Variants in CELF2 observed in about 807,000 individuals in gnomAD.
CELF2 encodes CUG triplet repeat RNA-binding protein 2.
A neutral mutation model predicts 62.6 loss-of-function variants in CELF2; 8 were observed. That is an observed-to-expected ratio of 0.13 (90% CI 0.07 to 0.23). CELF2 has a LOEUF of 0.23. CELF2 is among the 10% of genes least tolerant of loss of function. CELF2 has a pLI of 1.00. For missense variants in CELF2, 333 were observed against 671.0 expected (o/e 0.50, Z 5.56); for synonymous variants, 258 against 250.0 (o/e 1.03, Z -0.30).
intron 1 of CELF2, among the ~76,000 whole-genome samples, chr10:11,122,146 A>G (rs1037736659): frequency 6.6e-6 from 1 of 152,176 alleles, no homozygotes; most frequent in African/African-American, 2.4e-5. Context: ...TCTTTTTTCA[A>G]TGCATAGCAC....
chr10:11,253,093 C>G (rs529641049), intron 4 of CELF2, among the ~76,000 whole-genome samples: 2 of 152,264 alleles, frequency 1.3e-5, no homozygotes, highest in South Asian at 4.1e-4. Flanking sequence ...GTGAGTGATA[C>G]AAACAGAAGC....
the CELF2 span, among the ~76,000 whole-genome samples, chr10:10,483,648 C>G: frequency 6.6e-6 from 1 of 152,120 alleles, no homozygotes; most frequent in Non-Finnish European, 1.5e-5. Flanking sequence ...GAAATAAAGA[C>G]AGCAGTCAGA....
chr10:11,045,974 C>T (rs2062757577), intron 1 of CELF2, among the ~76,000 whole-genome samples: 1 of 152,124 alleles, frequency 6.6e-6, no homozygotes, highest in South Asian at 2.1e-4. Flanking sequence ...TCACTGAAGC[C>T]TCTAGGGGTA....
rs1183581669 is a variant in CELF2, at chr10:11,331,876, G to C, written c.*2823G>C. ...TCTACCCAGAGCTATCTGGAATGTT[G>C]ATGACTTTTTATACTGTCATGATTT... is the stretch of plus-strand genomic sequence containing the variant. On this transcript the variant is annotated 3_prime_UTR_variant, in exon 13 of 13. Transcript: ENST00000633077. 1 of 152,576 alleles carries C rather than the reference G, an allele frequency of 6.6e-6. No homozygotes were observed. The highest frequency in any genetic ancestry group is 6.5e-5 in the Admixed American group (1 of 15,286). The allele number at this position is 152,576 out of a possible 1,614,324, so 9.5% of individuals were successfully genotyped here.
the CELF2 span, among the ~76,000 whole-genome samples, chr10:10,556,405 G>C: frequency 6.6e-6 from 1 of 152,094 alleles, no homozygotes; most frequent in African/African-American, 2.4e-5. Context: ...GTGTATATGT[G>C]CCACATTTTC....
At chr10:10,669,199 C>G in the CELF2 span, among the ~76,000 whole-genome samples, 1 of 152,332 alleles carries the variant, frequency 6.6e-6, no homozygotes, top group East Asian at 1.9e-4. Flanking sequence ...CTGTTCTTCT[C>G]TGAACTTCCA....
the CELF2 span, among the ~76,000 whole-genome samples, chr10:10,763,189 C>G: frequency 7.2e-5 from 11 of 152,190 alleles, no homozygotes; most frequent in African/African-American, 2.2e-4. Flanking sequence ...AAAGATATCA[C>G]TAAGTGCAAA....
intron 3 of CELF2, among the ~76,000 whole-genome samples, chr10:11,222,111 A>G (rs971228577): frequency 1.3e-4 from 19 of 151,178 alleles, no homozygotes; most frequent in African/African-American, 3.9e-4. Flanking sequence ...TCTGCTCGCC[A>G]TGGAGTTGGC....
Position 11,333,656 on chromosome 10 carries a change from AATC to A in CELF2, c.*4606_*4608del, listed in dbSNP as rs763948905. 8 of 152,666 alleles carry A rather than the reference AATC, an allele frequency of 5.2e-5. No homozygotes were observed. Among genetic ancestry groups the A allele is most frequent in the Non-Finnish European group, 1.0e-4 (7 of 68,046 alleles). The allele number at this position is 152,666 out of a possible 1,614,324, so 9.5% of individuals were successfully genotyped here. On this transcript the variant is annotated 3_prime_UTR_variant, in exon 13 of 13. Coordinates refer to ENST00000633077, the MANE Select transcript of CELF2 (RefSeq NM_001326342.2). Reference sequence around the variant, plus strand: ...TGAGAATTGATGTTTGTAGATTAATAATCATTTTGTTTAGAATTACAAAATAGT... The same window carrying A: ...TGAGAATTGATGTTTGTAGATTAATAATTTTGTTTAGAATTACAAAATAGT...
chr10:10,753,472 G>A, the CELF2 span, among the ~76,000 whole-genome samples: 5 of 152,250 alleles, frequency 3.3e-5, no homozygotes, highest in African/African-American at 7.2e-5. Context: ...CTTAAAAGGA[G>A]AATATCCTCT....
intron 3 of CELF2, among the ~76,000 whole-genome samples, chr10:11,245,524 G>A (rs1231598033): frequency 2.0e-5 from 3 of 152,206 alleles, no homozygotes; most frequent in African/African-American, 4.8e-5. Context: ...ACGGCTCTGC[G>A]AAGTTGATTT....
intron 1 of CELF2, among the ~76,000 whole-genome samples, chr10:10,916,719 T>A (rs2064363054): frequency 6.6e-6 from 1 of 152,112 alleles, no homozygotes; most frequent in African/African-American, 2.4e-5. Context: ...TTCAAGCAAT[T>A]CTCCTGCCTC....
intron 1 of CELF2, among the ~76,000 whole-genome samples, chr10:11,143,781 C>A (rs1333799750): frequency 6.6e-6 from 1 of 152,230 alleles, no homozygotes; most frequent in Non-Finnish European, 1.5e-5. Flanking sequence ...TAGAAAGTCT[C>A]TAGACATATA....
the CELF2 span, among the ~76,000 whole-genome samples, chr10:10,614,823 G>A: frequency 1.2e-4 from 18 of 152,246 alleles, no homozygotes; most frequent in East Asian, 1.9e-4. Context: ...GAGCCCAGGC[G>A]AAGGTGAGAT....
chr10:10,543,173 CT>C, the CELF2 span, among the ~76,000 whole-genome samples: 1 of 152,258 alleles, frequency 6.6e-6, no homozygotes, highest in East Asian at 1.9e-4. Context: ...TAATATTTGC[CT>C]GGTGGCTGGG....
chr10:10,902,152 C>G (rs534144664), intron 1 of CELF2, among the ~76,000 whole-genome samples: 21 of 152,188 alleles, frequency 1.4e-4, no homozygotes, highest in Non-Finnish European at 2.6e-4. Flanking sequence ...AGCACTATCT[C>G]ACCTTTGCTT....
At position 10,931,939 on chromosome 10, in the gene CELF2, G is replaced by T. The variant is rs1428686738; in HGVS notation, c.89+11940G>T. Among the ~76,000 whole-genome samples the T allele has an allele frequency of 6.6e-6, 1 of 152,106 alleles. No homozygotes were observed. Among genetic ancestry groups the T allele is most frequent in the Non-Finnish European group, 1.5e-5 (1 of 68,028 alleles). ...GCAAGAGAACTTGTGCAGGGGAACT[G>T]CCCTTTATAAAACCATCACATCTCA... is the stretch of plus-strand genomic sequence containing the variant. On this transcript the variant is annotated intron_variant, in intron 2 of 13. Coordinates refer to the CELF2 transcript ENST00000636488. This position sits in a 1 kb window ranked among gnomAD's most constrained non-coding sequence, Gnocchi z 6.1.
intron 9 of CELF2, among the ~76,000 whole-genome samples, chr10:11,292,637 G>A (rs1329446451): frequency 6.6e-6 from 1 of 152,252 alleles, no homozygotes; most frequent in African/African-American, 2.4e-5. Context: ...CACCAGATGG[G>A]AAAGAGTGGG....
At position 11,312,216 on chromosome 10, in the gene CELF2, A is replaced by G. The variant is rs1367842429; in HGVS notation, c.977-1923A>G. On this transcript the variant is annotated intron_variant, in intron 9 of 12. Transcript: ENST00000633077. The stretch of plus-strand genomic sequence containing the variant: ...ACTAGGATAAAGATGTAATTTTCAT[A>G]CAAACCAAAGCTAAAAGACTTTTTC... Among the ~76,000 whole-genome samples, 4 of 152,272 alleles carry G rather than the reference A, an allele frequency of 2.6e-5. No individual in the cohort carries two copies. In the East Asian group the frequency reaches 7.7e-4, roughly 29 times the overall value.
Sources: gnomAD v4.1 joint callset for allele counts (sites outside exome capture counted in the v4.1 genomes callset) on GRCh38, gnomAD v4.1.1 for gene constraint, Gnocchi (gnomAD v3.1) non-coding constraint, MANE v1.5 for transcripts, NCBI Gene and HGNC (gene_info 2026-07-23, HGNC 2026-07-21) for gene names.